The following VTI1A variants were observed in gnomAD, a reference collection of about 807,000 sequenced individuals.
VTI1A encodes the protein vesicle transport through interaction with t-SNAREs 1A.
Under a neutral mutation model 34.9 loss-of-function variants are expected in VTI1A, and 22 were observed. That is an observed-to-expected ratio of 0.63 (90% confidence interval 0.45 to 0.90). The LOEUF is 0.90. VTI1A is among the 40% of genes least tolerant of loss of function. The pLI is 0.00. For missense variants in VTI1A, 268 were observed against 275.6 expected, an observed-to-expected ratio of 0.97 and a Z score of 0.20; for synonymous variants, 87 against 97.3, an observed-to-expected ratio of 0.89 and a Z score of 0.62.
chr10:112,792,412 A>AG (rs1852514409), intron 7 of VTI1A, among the ~76,000 whole-genome samples: 1 of 152,136 alleles, frequency 6.6e-6, no homozygotes, highest in Non-Finnish European at 1.5e-5. Context: ...GCTCTGCCTG[A>AG]GGTCACACAG....
At chr10:112,632,506 G>T (rs1168995821) in intron 5 of VTI1A, among the ~76,000 whole-genome samples, 5 of 152,162 alleles carry the variant, frequency 3.3e-5, no homozygotes, top group African/African-American at 1.2e-4. Flanking sequence ...AGTTGATCAA[G>T]CATTGACAGA....
At chr10:112,812,874 G>A (rs1853366200) in intron 7 of VTI1A, among the ~76,000 whole-genome samples, 1 of 152,148 alleles carries the variant, frequency 6.6e-6, no homozygotes, top group African/African-American at 2.4e-5. Context: ...ATCTTTGACG[G>A]GGCTTGCTTC....
At chr10:112,800,598 T>C (rs181517739) in intron 7 of VTI1A, among the ~76,000 whole-genome samples, 3 of 152,362 alleles carry the variant, frequency 2.0e-5, no homozygotes, top group Admixed American at 2.0e-4. Flanking sequence ...ACTAATGTAA[T>C]TCATTAACAG....
At chr10:112,665,781 A>G (rs1847621882) in intron 5 of VTI1A, among the ~76,000 whole-genome samples, 1 of 152,154 alleles carries the variant, frequency 6.6e-6, no homozygotes, top group Non-Finnish European at 1.5e-5. Context: ...TAGGTCGCAA[A>G]CTTTATGCAT....
chr10:112,454,339 A>G (rs989328376), intron 1 of VTI1A, among the ~76,000 whole-genome samples: 28 of 152,198 alleles, frequency 1.8e-4, no homozygotes, highest in African/African-American at 5.8e-4. Flanking sequence ...AAGAACTTCT[A>G]TTGAGTAGGA....
chr10:112,627,605 G>C (rs2134601691), intron 5 of VTI1A, among the ~76,000 whole-genome samples: 1 of 152,074 alleles, frequency 6.6e-6, no homozygotes, highest in East Asian at 1.9e-4. Flanking sequence ...CGTATGTTTT[G>C]TCTGTATCTA....
At chr10:112,465,384 G>C (rs1283016503) in intron 3 of VTI1A, among the ~76,000 whole-genome samples, 1 of 152,110 alleles carries the variant, frequency 6.6e-6, no homozygotes, top group Non-Finnish European at 1.5e-5. Flanking sequence ...ATTGAAAGCA[G>C]AGTCTCAGAG....
At chr10:112,854,926 G>A in the VTI1A span, among the ~76,000 whole-genome samples, 1 of 152,328 alleles carries the variant, frequency 6.6e-6, no homozygotes, top group African/African-American at 2.4e-5. Context: ...GGGCCTCAGT[G>A]AGGGAGGGGA....
At chr10:112,523,473 T>A (rs1368345172) in intron 3 of VTI1A, among the ~76,000 whole-genome samples, 1 of 152,152 alleles carries the variant, frequency 6.6e-6, no homozygotes, top group Non-Finnish European at 1.5e-5. Context: ...ATTTTCTTTC[T>A]AACCATGTAG....
intron 2 of VTI1A, among the ~76,000 whole-genome samples, chr10:112,464,172 A>G (rs895902364): frequency 3.3e-5 from 5 of 152,026 alleles, no homozygotes; most frequent in African/African-American, 1.2e-4. Context: ...CTAATTTGGT[A>G]TTTTTGGTAG....
chr10:112,719,762 T>G (rs995880365), intron 7 of VTI1A, among the ~76,000 whole-genome samples: 1 of 152,174 alleles, frequency 6.6e-6, no homozygotes, highest in Non-Finnish European at 1.5e-5. Context: ...GTCAGGCTGG[T>G]CTCAAACTCC....
chr10:112,809,132 G>A (rs1853198816), intron 7 of VTI1A, among the ~76,000 whole-genome samples: 1 of 152,216 alleles, frequency 6.6e-6, no homozygotes, highest in Non-Finnish European at 1.5e-5. Context: ...TCCTAGAGAT[G>A]CAGGACATAG....
chr10:112,451,374 C>T (rs1294745706), intron 1 of VTI1A, among the ~76,000 whole-genome samples: 1 of 152,206 alleles, frequency 6.6e-6, no homozygotes, highest in Non-Finnish European at 1.5e-5. Context: ...CTGAAGACAA[C>T]AGTTGGTAAG....
chr10:112,808,549 C>T (rs765488372), intron 7 of VTI1A, among the ~76,000 whole-genome samples: 21 of 148,018 alleles, frequency 1.4e-4, no homozygotes, highest in Non-Finnish European at 3.0e-4. Context: ...CACTTGGCCC[C>T]GGGAGGTGGA....
intron 7 of VTI1A, among the ~76,000 whole-genome samples, chr10:112,811,135 G>A (rs1472046115): frequency 6.6e-6 from 1 of 152,090 alleles, no homozygotes; most frequent in Non-Finnish European, 1.5e-5. Flanking sequence ...ATGGCTTAAC[G>A]CAAGTCCACT....
the VTI1A span, among the ~76,000 whole-genome samples, chr10:112,829,651 G>A: frequency 6.6e-6 from 1 of 152,092 alleles, no homozygotes; most frequent in African/African-American, 2.4e-5. Context: ...CTACTCAGGA[G>A]GCTGAGGCAG....
In VTI1A at chr10:112,495,136, C is replaced by CAAT. The variant is rs1275150626; in HGVS notation, c.264+30484_264+30486dup. ...TATTTTTACTTTAGAAAAATTAGGT[C>CAAT]AATAATAGGAATCACATGCCAATGG... is the stretch of plus-strand genomic sequence containing the variant. On this transcript the variant is annotated intron_variant, in intron 3 of 7. Transcript: ENST00000393077. Among the ~76,000 whole-genome samples the CAAT allele has an allele frequency of 4.3e-5, 6 of 140,998 alleles. No individual in the cohort carries two copies. In the East Asian group the frequency reaches 1.1e-3, roughly 26 times the overall value. 92.5% of individuals were successfully genotyped at this position (140,998 alleles called of 152,430 possible).
At chr10:112,582,148 ACT>A (rs996498437) in intron 5 of VTI1A, among the ~76,000 whole-genome samples, 9 of 151,740 alleles carry the variant, frequency 5.9e-5, no homozygotes, top group African/African-American at 1.7e-4. Flanking sequence ...TCTGGTGAGG[ACT>A]CTCTTCCTGG....
intron 1 of VTI1A, among the ~76,000 whole-genome samples, chr10:112,455,177 TC>T (rs141965969): frequency 1.7e-3 from 1 of 602 alleles, no homozygotes; most frequent in Non-Finnish European, 3.4e-3. Flanking sequence ...CCTCCTCCCC[TC>T]CCCTCCTCCC....
Sources: allele counts gnomAD v4.1 joint callset (sites outside exome capture counted in the v4.1 genomes callset), GRCh38; gene constraint gnomAD v4.1.1; transcripts MANE v1.5; gene names NCBI Gene and HGNC (gene_info 2026-07-23, HGNC 2026-07-21).